Variants in LRRC1 observed in about 807,000 individuals in gnomAD.
LRRC1 encodes leucine rich repeat containing 1.
A neutral mutation model predicts 69.9 loss-of-function variants in LRRC1; 28 were observed. The ratio of observed to expected loss-of-function variants is 0.40; its 90% CI spans 0.30 to 0.55. LRRC1 has a LOEUF of 0.55. LRRC1 is among the 20% of genes least tolerant of loss of function. The pLI, the probability that LRRC1 is intolerant of heterozygous loss-of-function variation, is 0.47. For synonymous variants in LRRC1, 236 were observed against 240.2 expected, an observed-to-expected ratio of 0.98 and a Z score of 0.16; for missense variants, 498 against 609.0, an observed-to-expected ratio of 0.82 and a Z score of 1.92.
chr6:53,860,798 A>G (rs138330467), intron 2 of LRRC1, among the ~76,000 whole-genome samples: 3 of 152,230 alleles, frequency 2.0e-5, no homozygotes, highest in African/African-American at 7.2e-5. Context: ...CTTCAATGTA[A>G]GAGCAGAAAT....
intron 11 of LRRC1, 52 bp downstream of exon 11, chr6:53,914,021 C>A: frequency 8.0e-7 from 1 of 1,252,942 alleles, no homozygotes; most frequent in Non-Finnish European, 1.2e-6. Flanking sequence ...TACATACATC[C>A]CAATCTTGGC....
intron 1 of LRRC1, among the ~76,000 whole-genome samples, chr6:53,831,413 C>A (rs1765424642): frequency 6.6e-6 from 1 of 152,180 alleles, no homozygotes; most frequent in African/African-American, 2.4e-5. Flanking sequence ...CCTCCCGCCC[C>A]TTTTGGAAAA....
At chr6:53,878,355 T>C (rs1007189343) in intron 2 of LRRC1, among the ~76,000 whole-genome samples, 7 of 152,200 alleles carry the variant, frequency 4.6e-5, no homozygotes, top group African/African-American at 1.7e-4. Context: ...ATTATTACAT[T>C]GTAATATATA....
intron 1 of LRRC1, among the ~76,000 whole-genome samples, chr6:53,797,631 G>C (rs1764341414): frequency 2.0e-5 from 3 of 152,146 alleles, no homozygotes; most frequent in Admixed American, 2.0e-4. Context: ...CATACCAGCT[G>C]TATGTTCTCC....
intron 1 of LRRC1, among the ~76,000 whole-genome samples, chr6:53,814,464 A>G (rs1012591977): frequency 2.6e-5 from 4 of 152,178 alleles, no homozygotes; most frequent in South Asian, 4.1e-4. Context: ...CTTTGAAGGT[A>G]TTTACCTTTG....
At chr6:53,880,999 C>G (rs1767272911) in intron 3 of LRRC1, among the ~76,000 whole-genome samples, 1 of 152,132 alleles carries the variant, frequency 6.6e-6, no homozygotes, top group African/African-American at 2.4e-5. Context: ...TGTCTGCTGA[C>G]ATTTGACTTT....
At chr6:53,846,408 G>A (rs1341207835) in intron 2 of LRRC1, among the ~76,000 whole-genome samples, 2 of 152,232 alleles carry the variant, frequency 1.3e-5, no homozygotes, top group Non-Finnish European at 2.9e-5. Flanking sequence ...GATGTGCTCA[G>A]CAGAGAGGAC....
At chr6:53,907,027 A>G (rs1173450994) in intron 10 of LRRC1, among the ~76,000 whole-genome samples, 1 of 152,200 alleles carries the variant, frequency 6.6e-6, no homozygotes, top group Non-Finnish European at 1.5e-5. Flanking sequence ...CAGCCAAACC[A>G]GCAAGAGCCT....
chr6:53,804,717 GTATT>G (rs1362490308), intron 1 of LRRC1, among the ~76,000 whole-genome samples: 1 of 152,202 alleles, frequency 6.6e-6, no homozygotes, highest in East Asian at 1.9e-4. Context: ...AAAAGTTCTT[GTATT>G]TATTACTTTG....
chr6:53,911,493 T>TC (rs1172915047), intron 10 of LRRC1, among the ~76,000 whole-genome samples: 3 of 152,190 alleles, frequency 2.0e-5, no homozygotes, highest in African/African-American at 7.2e-5. Context: ...CTGTATGTCT[T>TC]CCAGGAGCTG....
chr6:53,795,496 C>T (rs1050318799), intron 1 of LRRC1, 81 bp downstream of exon 1: 2 of 1,400,382 alleles, frequency 1.4e-6, no homozygotes, highest in Non-Finnish European at 9.5e-7. Flanking sequence ...TCCCCTCTTC[C>T]ATCTCCGGGT....
chr6:53,824,191 T>G (rs1320721332), intron 1 of LRRC1, among the ~76,000 whole-genome samples: 2 of 152,096 alleles, frequency 1.3e-5, no homozygotes, highest in Admixed American at 1.3e-4. Flanking sequence ...CCATTCTGAT[T>G]GGTGTGAGAT....
At chr6:53,852,700 G>C (rs1766178074) in intron 2 of LRRC1, among the ~76,000 whole-genome samples, 1 of 152,118 alleles carries the variant, frequency 6.6e-6, no homozygotes, top group Non-Finnish European at 1.5e-5. Context: ...TAGTTATTTT[G>C]AGAGGAAGGA....
intron 2 of LRRC1, among the ~76,000 whole-genome samples, chr6:53,878,705 C>T (rs1767159307): frequency 6.6e-6 from 1 of 152,194 alleles, no homozygotes; most frequent in South Asian, 2.1e-4. Context: ...TGGTTTGTAG[C>T]TCAGGGATTG....
chr6:53,879,764 C>G (rs1767217367), intron 3 of LRRC1, among the ~76,000 whole-genome samples: 1 of 151,938 alleles, frequency 6.6e-6, no homozygotes, highest in Non-Finnish European at 1.5e-5. Context: ...CAGCTTTACC[C>G]TTCCTGGTAT....
At chr6:53,840,196 A>G (rs1470867971) in intron 1 of LRRC1, among the ~76,000 whole-genome samples, 1 of 152,170 alleles carries the variant, frequency 6.6e-6, no homozygotes. Flanking sequence ...TTTTGATACC[A>G]TGCGTGACTG....
chr6:53,872,752 CTTTTTTTTTTTT>C (rs537186693), intron 2 of LRRC1, among the ~76,000 whole-genome samples: 2 of 106,404 alleles, frequency 1.9e-5, no homozygotes, highest in Non-Finnish European at 3.8e-5. Flanking sequence ...TTTCTTTTCT[CTTTTTTTTTTTT>C]TTTTTTTTTG....
chr6:53,887,412 T>C (rs1273139758), intron 4 of LRRC1, among the ~76,000 whole-genome samples: 1 of 152,046 alleles, frequency 6.6e-6, no homozygotes, highest in African/African-American at 2.4e-5. Context: ...CTAATTCTGA[T>C]AACCAGTGAG....
chr6:53,807,368 C>T (rs1213944028), intron 1 of LRRC1, among the ~76,000 whole-genome samples: 1 of 152,194 alleles, frequency 6.6e-6, no homozygotes, highest in Non-Finnish European at 1.5e-5. Flanking sequence ...AAATCTCTGT[C>T]TGTATGGAGC....
Sources: allele counts gnomAD v4.1 joint callset (sites outside exome capture counted in the v4.1 genomes callset), GRCh38; gene constraint gnomAD v4.1.1; transcripts MANE v1.5; gene names NCBI Gene and HGNC (gene_info 2026-07-23, HGNC 2026-07-21).